The following PBX1 variants were observed in gnomAD, a reference collection of about 807,000 sequenced individuals.
The protein encoded by PBX1 is pre-B-cell leukemia transcription factor 1.
Under a neutral mutation model 53.4 loss-of-function variants are expected in PBX1, and 6 were observed. That is an observed-to-expected ratio of 0.11 (90% CI 0.06 to 0.22). The LOEUF (loss-of-function observed/expected upper bound fraction) is 0.22. Among genes scored for constraint, PBX1 ranks in the 10% least tolerant of loss-of-function variants. The pLI is 1.00. For missense variants in PBX1, 251 were observed against 551.4 expected (o/e 0.46, Z 5.46); for synonymous variants, 204 against 212.3 (o/e 0.96, Z 0.34).
chr1:164,757,013 T>C (rs1282190261), intron 2 of PBX1, among the ~76,000 whole-genome samples: 1 of 152,138 alleles, frequency 6.6e-6, no homozygotes, highest in East Asian at 1.9e-4. Context: ...GTAGAAGTGG[T>C]ATTTAGTCAT....
intron 2 of PBX1, among the ~76,000 whole-genome samples, chr1:164,565,958 CTTTG>C (rs1473280692): frequency 1.3e-5 from 2 of 151,934 alleles, no homozygotes; most frequent in Admixed American, 6.6e-5. Context: ...TTAGGGTGGG[CTTTG>C]TTTGTTTGTA....
chr1:164,578,161 ATTGT>A (rs1293946075), intron 2 of PBX1, among the ~76,000 whole-genome samples: 1 of 152,014 alleles, frequency 6.6e-6, no homozygotes, highest in Admixed American at 6.6e-5. Flanking sequence ...GTATGCAAAG[ATTGT>A]TTGTGTTGTC....
chr1:164,762,589 A>G (rs1571356477), intron 2 of PBX1, among the ~76,000 whole-genome samples: 1 of 152,338 alleles, frequency 6.6e-6, no homozygotes, highest in African/African-American at 2.4e-5. Flanking sequence ...CAGTAGGTCC[A>G]TTCCTCCATG....
At chr1:164,712,973 A>G (rs1663885626) in intron 2 of PBX1, among the ~76,000 whole-genome samples, 4 of 152,188 alleles carry the variant, frequency 2.6e-5, no homozygotes, top group Admixed American at 2.0e-4. Context: ...TGCCCAACTC[A>G]TCATCCTTAC....
At chr1:164,683,725 G>C (rs1390743654) in intron 2 of PBX1, 1 of 148,856 alleles carries the variant, frequency 6.7e-6, no homozygotes, top group African/African-American at 2.5e-5. Flanking sequence ...TTTTGCTTTT[G>C]AGATGTGCTT....
chr1:164,713,661 C>G (rs1663924751), intron 2 of PBX1, among the ~76,000 whole-genome samples: 1 of 152,068 alleles, frequency 6.6e-6, no homozygotes, highest in African/African-American at 2.4e-5. Context: ...GGGAAAGGAA[C>G]CCGTGCATGG....
At chr1:164,667,700 A>G (rs575185775) in intron 2 of PBX1, among the ~76,000 whole-genome samples, 1 of 152,248 alleles carries the variant, frequency 6.6e-6, no homozygotes, top group African/African-American at 2.4e-5. Context: ...ATCAGCTGTA[A>G]TTTTGCCGAG....
intron 1 of PBX1, among the ~76,000 whole-genome samples, chr1:164,561,827 A>G (rs146199094): frequency 7.9e-5 from 12 of 152,246 alleles, no homozygotes; most frequent in African/African-American, 1.4e-4. Context: ...TGGAAATACA[A>G]TATTTTTATA....
At chr1:164,715,610 C>A (rs1281488857) in intron 2 of PBX1, among the ~76,000 whole-genome samples, 1 of 152,160 alleles carries the variant, frequency 6.6e-6, no homozygotes, top group African/African-American at 2.4e-5. Flanking sequence ...ATACCTGGAT[C>A]ATAATAGGTA....
chr1:164,704,446 A>G (rs1663309517), intron 2 of PBX1, among the ~76,000 whole-genome samples: 1 of 152,182 alleles, frequency 6.6e-6, no homozygotes, highest in South Asian at 2.1e-4. Flanking sequence ...TAAAACTGTA[A>G]ATTTATTAGA....
intron 8 of PBX1, among the ~76,000 whole-genome samples, chr1:164,837,489 A>G (rs1383693263): frequency 1.3e-5 from 2 of 152,196 alleles, no homozygotes; most frequent in Non-Finnish European, 2.9e-5. Context: ...TACATTCGAA[A>G]TGTATATCAG....
At chr1:164,626,817 C>G (rs563887644) in intron 2 of PBX1, among the ~76,000 whole-genome samples, 1 of 152,124 alleles carries the variant, frequency 6.6e-6, no homozygotes, top group Non-Finnish European at 1.5e-5. Flanking sequence ...TCCCTGCTCC[C>G]CATCATGCCT....
chr1:164,744,306 G>A (rs1325752623), intron 2 of PBX1, among the ~76,000 whole-genome samples: 2 of 152,080 alleles, frequency 1.3e-5, no homozygotes, highest in Non-Finnish European at 2.9e-5. Context: ...CTGTTCCATA[G>A]TTCCTTACTG....
chr1:164,862,727 A>G (rs1672129293), intron 2 of PBX1, among the ~76,000 whole-genome samples: 1 of 152,140 alleles, frequency 6.6e-6, no homozygotes, highest in African/African-American at 2.4e-5. Flanking sequence ...CCCCTTGGCT[A>G]CTTCCCCAGC....
chr1:164,581,843 C>T lies in PBX1; in HGVS notation c.265+18532C>T, dbSNP rs573551523. On this transcript the variant is annotated intron_variant, in intron 2 of 8. Transcript: ENST00000420696. ...CTTTAATCATACTATCCTAGTTCAA[C>T]GTCTATTTTCAGTTTTCTTGTGTTT... 1.2e-4 allele frequency among the ~76,000 whole-genome samples: 18 copies of T among 152,210 alleles called. No individual in the cohort carries two copies. The South Asian group carries it at 3.1e-3, about 26-fold the overall frequency.
At chr1:164,576,785 A>G (rs1654275481) in intron 2 of PBX1, 4 of 152,296 alleles carry the variant, frequency 2.6e-5, no homozygotes, top group African/African-American at 4.8e-5. Flanking sequence ...ACACCTCTCA[A>G]TGTGGGCTTG....
chr1:164,652,067 CTT>C (rs916304076), intron 2 of PBX1: 4 of 143,018 alleles, frequency 2.8e-5, no homozygotes, highest in Non-Finnish European at 4.6e-5. Context: ...GAAATCATCA[CTT>C]TTTTTTTTTT....
At chr1:164,571,211 A>G (rs886629132) in intron 2 of PBX1, among the ~76,000 whole-genome samples, 1 of 152,226 alleles carries the variant, frequency 6.6e-6, no homozygotes, top group Non-Finnish European at 1.5e-5. Context: ...TCACCCATTT[A>G]AATGATATAC....
intron 2 of PBX1, among the ~76,000 whole-genome samples, chr1:164,883,239 T>C (rs1224083212): frequency 2.6e-5 from 4 of 152,150 alleles, no homozygotes; most frequent in African/African-American, 9.7e-5. Context: ...CCCAATTCTA[T>C]GTACCAACAT....
Sources: allele counts gnomAD v4.1 joint callset (sites outside exome capture counted in the v4.1 genomes callset), GRCh38; gene constraint gnomAD v4.1.1; transcripts MANE v1.5; gene names NCBI Gene and HGNC (gene_info 2026-07-23, HGNC 2026-07-21).